IMMP1L: variants seen among roughly 807,000 people sequenced by gnomAD.
IMMP1L encodes mitochondrial inner membrane protease subunit 1.
A neutral mutation model predicts 21.8 loss-of-function variants in IMMP1L; 24 were observed. That is an observed-to-expected ratio of 1.10 (90% confidence interval 0.80 to 1.55). The LOEUF (loss-of-function observed/expected upper bound fraction) is 1.55. IMMP1L is among the 40% of genes most tolerant of loss of function. IMMP1L has a pLI of 0.00. For synonymous variants in IMMP1L, 46 were observed against 62.8 expected, an observed-to-expected ratio of 0.73 and a Z score of 1.26; for missense variants, 195 against 200.7, an observed-to-expected ratio of 0.97 and a Z score of 0.17.
chr11:31,507,774 T>C (rs765225223), intron 1 of IMMP1L, among the ~76,000 whole-genome samples: 4 of 152,318 alleles, frequency 2.6e-5, no homozygotes, highest in Non-Finnish European at 5.9e-5. Context: ...AAGCTGACTA[T>C]AGTTAATAAT....
intron 4 of IMMP1L, among the ~76,000 whole-genome samples, chr11:31,455,814 C>T (rs1953919292): frequency 6.6e-6 from 1 of 151,840 alleles, no homozygotes; most frequent in Admixed American, 6.5e-5. Context: ...CTTTTTTTTC[C>T]TGCAAGTGCC....
At chr11:31,457,648 G>A (rs1953992751) in intron 3 of IMMP1L, among the ~76,000 whole-genome samples, 1 of 152,122 alleles carries the variant, frequency 6.6e-6, no homozygotes, top group South Asian at 2.1e-4. Context: ...ATTAAGACCA[G>A]TTACATGGAA....
chr11:31,481,636 C>A (rs1280406654), intron 1 of IMMP1L, among the ~76,000 whole-genome samples: 1 of 151,366 alleles, frequency 6.6e-6, no homozygotes, highest in African/African-American at 2.4e-5. Context: ...ACATCATAGC[C>A]CATAATCAGA....
intron 1 of IMMP1L, among the ~76,000 whole-genome samples, chr11:31,505,277 G>GA (rs1955741401): frequency 6.6e-6 from 1 of 151,630 alleles, no homozygotes; most frequent in African/African-American, 2.4e-5. Context: ...TGTGGACATG[G>GA]AAAAAATAAA....
chr11:31,490,599 CAT>C (rs1212144189), intron 1 of IMMP1L, among the ~76,000 whole-genome samples: 1 of 151,908 alleles, frequency 6.6e-6, no homozygotes, highest in Non-Finnish European at 1.5e-5. Flanking sequence ...TACGTTGTAA[CAT>C]AATGTCATAA....
intron 1 of IMMP1L, among the ~76,000 whole-genome samples, chr11:31,478,897 A>C (rs1954804388): frequency 6.6e-6 from 1 of 152,120 alleles, no homozygotes; most frequent in African/African-American, 2.4e-5. Flanking sequence ...ATATGTTTTT[A>C]AAATAGTTAT....
intron 4 of IMMP1L, among the ~76,000 whole-genome samples, chr11:31,454,043 C>G (rs975393471): frequency 8.5e-5 from 13 of 152,176 alleles, no homozygotes; most frequent in Middle Eastern, 6.8e-3. Flanking sequence ...ACCTACTCAT[C>G]GGGTTGCTGT....
chr11:31,432,718 T>A, intron 5 of IMMP1L, 150 bp from the exon 6 acceptor site: 1 of 624,752 alleles, frequency 1.6e-6, no homozygotes, highest in Non-Finnish European at 2.9e-6. Context: ...TACATCAAAG[T>A]AAGACTTGAG....
Position 31,447,178 on chromosome 11 carries a change from G to A in IMMP1L, c.321+9082C>T, listed in dbSNP as rs1329246423. ...AATGCACACATCGAAAAAGAAAGTTGAGAGGTTAATGTCTGGCAAATTTTG... is the reference window on the plus strand; with the variant it reads ...AATGCACACATCGAAAAAGAAAGTTAAGAGGTTAATGTCTGGCAAATTTTG... On this transcript the variant is annotated intron_variant, in intron 4 of 5. Transcript: ENST00000532287. 3.3e-5 allele frequency among the ~76,000 whole-genome samples: 5 copies of A among 152,344 alleles called. No homozygotes were observed. The South Asian group carries it at 6.2e-4, about 19-fold the overall frequency.
In IMMP1L at chr11:31,433,074, A is replaced by G. The variant is rs899695350; in HGVS notation, c.432+386T>C. ...TACATTCACAATAAGTCTGTGACTC[A>G]CAGTACTCAACTGGGGTATCCCTAC... On this transcript the variant is annotated intron_variant, in intron 5 of 5. Transcript: ENST00000532287. 3.3e-5 allele frequency among the ~76,000 whole-genome samples: 5 copies of G among 152,212 alleles called. No individual in the cohort carries two copies. The East Asian group carries it at 5.8e-4, about 18-fold the overall frequency.
At chr11:31,455,369 G>C (rs1014847685) in intron 4 of IMMP1L, among the ~76,000 whole-genome samples, 1 of 152,168 alleles carries the variant, frequency 6.6e-6, no homozygotes, top group Non-Finnish European at 1.5e-5. Context: ...AGTAAGAAGA[G>C]TATATGCTGA....
chr11:31,478,065 C>G (rs1954780831), intron 1 of IMMP1L, among the ~76,000 whole-genome samples: 1 of 152,090 alleles, frequency 6.6e-6, no homozygotes, highest in Non-Finnish European at 1.5e-5. Flanking sequence ...CCTCAAAAAC[C>G]CTGATATGAC....
intron 1 of IMMP1L, among the ~76,000 whole-genome samples, chr11:31,483,098 A>G (rs952620422): frequency 2.6e-5 from 4 of 152,026 alleles, no homozygotes; most frequent in Non-Finnish European, 5.9e-5. Flanking sequence ...TAATACAAAA[A>G]CAAGAAAAAT....
chr11:31,496,222 A>G (rs918515466), intron 1 of IMMP1L, among the ~76,000 whole-genome samples: 7 of 152,194 alleles, frequency 4.6e-5, no homozygotes, highest in African/African-American at 1.7e-4. Context: ...ACATGAAAAG[A>G]TGTTAAACAT....
At chr11:31,451,053 A>T (rs1262697196) in intron 4 of IMMP1L, among the ~76,000 whole-genome samples, 1 of 152,182 alleles carries the variant, frequency 6.6e-6, no homozygotes, top group Non-Finnish European at 1.5e-5. Context: ...CAACTTTGAC[A>T]TTTTAGAGAA....
chr11:31,499,852 G>T (rs1955561500), intron 1 of IMMP1L, among the ~76,000 whole-genome samples: 1 of 151,920 alleles, frequency 6.6e-6, no homozygotes, highest in Admixed American at 6.6e-5. Flanking sequence ...GCACAAACAT[G>T]AGAATGCTTC....
At chr11:31,482,691 G>A (rs193275961) in intron 1 of IMMP1L, among the ~76,000 whole-genome samples, 23 of 152,002 alleles carry the variant, frequency 1.5e-4, no homozygotes, top group Admixed American at 1.4e-3. Context: ...AAAAGATGGG[G>A]GGAAAAAAAC....
intron 4 of IMMP1L, among the ~76,000 whole-genome samples, chr11:31,449,380 C>T (rs1953661466): frequency 6.6e-6 from 1 of 152,132 alleles, no homozygotes; most frequent in African/African-American, 2.4e-5. Context: ...CCTAAATACA[C>T]AGTACACATT....
At chr11:31,470,225 C>T (rs1954495847) in intron 1 of IMMP1L, among the ~76,000 whole-genome samples, 1 of 152,012 alleles carries the variant, frequency 6.6e-6, no homozygotes, top group African/African-American at 2.4e-5. Flanking sequence ...AGCAGCCTAA[C>T]CAACAAGGAG....
Sources: allele counts gnomAD v4.1 joint callset (sites outside exome capture counted in the v4.1 genomes callset), GRCh38; gene constraint gnomAD v4.1.1; transcripts MANE v1.5; gene names NCBI Gene and HGNC (gene_info 2026-07-23, HGNC 2026-07-21).